The following CNTNAP2 variants were observed in gnomAD, a reference collection of about 807,000 sequenced individuals.
CNTNAP2 encodes the protein contactin associated protein 2.
CNTNAP2 carries 98 observed loss-of-function variants against 155.2 expected under a neutral mutation model. The observed-to-expected ratio is 0.63, with a 90% CI of 0.54 to 0.75. The LOEUF (loss-of-function observed/expected upper bound fraction) is 0.75. CNTNAP2 is among the 30% of genes least tolerant of loss of function. The probability of loss-of-function intolerance (pLI) is 0.00; values close to 1 mark genes in which losing one functional copy is unlikely to be tolerated. For missense variants in CNTNAP2, 1,727 were observed against 1,688.1 expected (o/e 1.02, Z -0.40); for synonymous variants, 651 against 631.2 (o/e 1.03, Z -0.47).
At chr7:148,196,457 G>A (rs2116724884) in intron 18 of CNTNAP2, among the ~76,000 whole-genome samples, 1 of 152,250 alleles carries the variant, frequency 6.6e-6, no homozygotes, top group African/African-American at 2.4e-5. Context: ...AGTGAGCAGA[G>A]GAGTTTGCAG....
intron 16 of CNTNAP2, among the ~76,000 whole-genome samples, chr7:148,135,776 G>T (rs927629768): frequency 1.4e-5 from 2 of 147,640 alleles, no homozygotes; most frequent in African/African-American, 5.0e-5. Context: ...TTGAACCTGG[G>T]AGGGGGAGGT....
At chr7:146,222,571 T>C (rs1418171862) in intron 1 of CNTNAP2, among the ~76,000 whole-genome samples, 1 of 150,826 alleles carries the variant, frequency 6.6e-6, no homozygotes, top group Non-Finnish European at 1.5e-5. Context: ...TGTGTGTGTG[T>C]GTGTGCGTGC....
intron 13 of CNTNAP2, among the ~76,000 whole-genome samples, chr7:147,698,516 C>T (rs142783370): frequency 6.6e-6 from 1 of 152,322 alleles, no homozygotes; most frequent in African/African-American, 2.4e-5. Flanking sequence ...CCCCCATCCA[C>T]ACTTAAGCTT....
rs369635102 is a variant in CNTNAP2, at chr7:146,761,284, TGGAAGGAAGGAAGGAAGGAAGGAAGGAA to T, written c.98-12962_98-12935del. On this transcript the variant is annotated intron_variant, in intron 1 of 23. Transcript: ENST00000361727. ...CAGAATTACTAATTGTCATAATTGC[TGGAAGGAAGGAAGGAAGGAAGGAAGGAA>T]GGAAGGAAGGAAGGAAGGAAGGAAA... Among the ~76,000 whole-genome samples the T allele has an allele frequency of 3.4e-3, 488 of 144,658 alleles. 5 individuals carry two copies. Among genetic ancestry groups the T allele is most frequent in the African/African-American group, 0.011 (446 of 39,134 alleles). 94.9% of individuals were successfully genotyped at this position (144,658 alleles called of 152,430 possible).
At chr7:147,014,984 A>G (rs1246826240) in intron 3 of CNTNAP2, among the ~76,000 whole-genome samples, 1 of 152,218 alleles carries the variant, frequency 6.6e-6, no homozygotes, top group African/African-American at 2.4e-5. Context: ...AAAATGTCAT[A>G]TAAAAGTTAT....
intron 15 of CNTNAP2, among the ~76,000 whole-genome samples, chr7:148,113,211 C>G (rs978688866): frequency 2.0e-5 from 3 of 152,162 alleles, no homozygotes; most frequent in Non-Finnish European, 2.9e-5. Context: ...AAGCATGATG[C>G]TGGCATCTGC....
At chr7:147,559,949 A>G (rs1301778982) in intron 11 of CNTNAP2, among the ~76,000 whole-genome samples, 1 of 151,376 alleles carries the variant, frequency 6.6e-6, no homozygotes, top group Non-Finnish European at 1.5e-5. Context: ...GGCGCAGATC[A>G]CCTGAGGTCG....
intron 8 of CNTNAP2, among the ~76,000 whole-genome samples, chr7:147,203,452 G>A (rs369276646): frequency 3.4e-4 from 52 of 152,032 alleles, no homozygotes; most frequent in African/African-American, 1.2e-3. Context: ...GGCTGGTCTC[G>A]AACTCCTGAC....
At chr7:147,108,084 C>T in intron 4 of CNTNAP2, 63 bp from the exon 5 acceptor site, 2 of 1,404,570 alleles carry the variant, frequency 1.4e-6, no homozygotes, top group East Asian at 4.6e-5. Flanking sequence ...TTGCAGACAC[C>T]TGTTGGAAGT....
intron 15 of CNTNAP2, among the ~76,000 whole-genome samples, chr7:148,106,493 G>GATAGATAGATAGATAGATAT (rs1490418389): frequency 1.8e-4 from 22 of 124,912 alleles, no homozygotes; most frequent in African/African-American, 6.9e-4. Flanking sequence ...CACACTTTGA[G>GATAGATAGATAGATAGATAT]ATATATATAT....
intron 10 of CNTNAP2, among the ~76,000 whole-genome samples, chr7:147,407,607 G>A (rs915841930): frequency 2.0e-5 from 3 of 150,328 alleles, no homozygotes; most frequent in Non-Finnish European, 4.4e-5. Context: ...ACTACACAAT[G>A]AGAAAACCAA....
At chr7:146,404,139 A>AAAAAAAAAAC (rs58435059) in intron 1 of CNTNAP2, among the ~76,000 whole-genome samples, 3 of 147,344 alleles carry the variant, frequency 2.0e-5, no homozygotes, top group Non-Finnish European at 1.5e-5. Context: ...AAAAAAAAAA[A>AAAAAAAAAAC]AAACAAAGAA....
Position 148,139,391 on chromosome 7 carries a change from A to G in CNTNAP2, c.2555-8100A>G, listed in dbSNP as rs183978065. Among the ~76,000 whole-genome samples, 494 of 152,366 alleles carry G rather than the reference A, an allele frequency of 3.2e-3. 2 individuals carry two copies. Among genetic ancestry groups the G allele is most frequent in the African/African-American group, 0.012 (480 of 41,584 alleles). ...AGGCAATACAGTAGTTAGGAAAACT[A>G]AAGCTCTATATCTAGTCATTACTGG... On this transcript the variant is annotated intron_variant, in intron 16 of 23. Coordinates refer to ENST00000361727, the MANE Select transcript of CNTNAP2 (RefSeq NM_014141.6).
chr7:146,875,321 T>C (rs1340167162), intron 3 of CNTNAP2, among the ~76,000 whole-genome samples: 1 of 152,178 alleles, frequency 6.6e-6, no homozygotes, highest in Non-Finnish European at 1.5e-5. Context: ...TATCTTAGGA[T>C]CTGACTAAAA....
At chr7:146,938,252 T>C (rs1402195955) in intron 3 of CNTNAP2, among the ~76,000 whole-genome samples, 1 of 151,906 alleles carries the variant, frequency 6.6e-6, no homozygotes, top group African/African-American at 2.4e-5. Flanking sequence ...AGCTTAACTT[T>C]CCCCTTGGCG....
chr7:146,674,204 T>C (rs1421826340), intron 1 of CNTNAP2, among the ~76,000 whole-genome samples: 1 of 152,166 alleles, frequency 6.6e-6, no homozygotes, highest in Non-Finnish European at 1.5e-5. Flanking sequence ...TAAGTTCTAG[T>C]GCTCTTTCAA....
intron 12 of CNTNAP2, among the ~76,000 whole-genome samples, chr7:147,632,229 C>G (rs1160505317): frequency 6.6e-6 from 1 of 151,964 alleles, no homozygotes; most frequent in African/African-American, 2.4e-5. Flanking sequence ...GAAAACATGC[C>G]CAATGTCACT....
At chr7:147,683,414 A>T (rs1389027996) in intron 13 of CNTNAP2, among the ~76,000 whole-genome samples, 1 of 151,906 alleles carries the variant, frequency 6.6e-6, no homozygotes, top group Non-Finnish European at 1.5e-5. Context: ...CTGATAAGAT[A>T]AGTTTTGTGG....
chr7:146,925,308 AT>A (rs1275885965), intron 3 of CNTNAP2, among the ~76,000 whole-genome samples: 1 of 152,132 alleles, frequency 6.6e-6, no homozygotes, highest in Non-Finnish European at 1.5e-5. Flanking sequence ...ATAAATACAT[AT>A]TATCAAAGTT....
Sources: gnomAD v4.1 joint callset for allele counts (sites outside exome capture counted in the v4.1 genomes callset) on GRCh38, gnomAD v4.1.1 for gene constraint, MANE v1.5 for transcripts, NCBI Gene and HGNC (gene_info 2026-07-23, HGNC 2026-07-21) for gene names.